Variants in DMD observed in about 807,000 individuals in gnomAD.
The protein encoded by DMD is dystrophin.
In DMD, 63 loss-of-function variants were observed where a neutral mutation model predicts 330.1. That is an observed-to-expected ratio of 0.19 (90% CI 0.16 to 0.24). The LOEUF (loss-of-function observed/expected upper bound fraction) is 0.24, where lower values mean the gene tolerates loss of function less well. Ranked by LOEUF, DMD falls within the 10% of genes least tolerant of loss-of-function variation. The pLI is 1.00. For missense variants in DMD, 3,344 were observed against 2,684.1 expected (o/e 1.25, Z -5.43); for synonymous variants, 1,223 against 959.8 (o/e 1.27, Z -5.07).
intron 44 of DMD, among the ~76,000 whole-genome samples, chrX:32,070,603 G>T (rs1051812909): frequency 2.7e-5 from 3 of 110,928 alleles, no homozygotes; most frequent in African/African-American, 9.8e-5. Flanking sequence ...ATGTATGTAC[G>T]TGTGTCTATA....
chrX:31,500,519 G>A (rs2070324139), intron 56 of DMD, among the ~76,000 whole-genome samples: 1 of 112,344 alleles, frequency 8.9e-6, no homozygotes, highest in East Asian at 2.8e-4. Context: ...ACCATGTTAA[G>A]CCCGTGAAAT....
intron 7 of DMD, among the ~76,000 whole-genome samples, chrX:32,767,445 A>C (rs1322726827): frequency 8.9e-5 from 10 of 111,768 alleles, no homozygotes; most frequent in Non-Finnish European, 1.9e-4. Flanking sequence ...TAAGACTGTA[A>C]GTTCTATATG....
chrX:32,318,060 G>A (rs1273823886), intron 41 of DMD, among the ~76,000 whole-genome samples: 2 of 110,623 alleles, frequency 1.8e-5, no homozygotes, highest in African/African-American at 6.6e-5. Context: ...TCCAAAATAG[G>A]ACTGCAGGCT....
At chrX:31,976,611 C>A (rs865830504) in intron 44 of DMD, among the ~76,000 whole-genome samples, 11 of 111,095 alleles carry the variant, frequency 9.9e-5, no homozygotes, top group Middle Eastern at 4.6e-3. Flanking sequence ...TGATTCCCCA[C>A]AAATTTGAAG....
intron 63 of DMD, among the ~76,000 whole-genome samples, chrX:31,244,531 C>T (rs1260771192): frequency 1.8e-5 from 2 of 111,550 alleles, no homozygotes; most frequent in African/African-American, 6.5e-5. Context: ...AAATTCAACA[C>T]GAATTTGACT....
intron 56 of DMD, among the ~76,000 whole-genome samples, chrX:31,505,643 T>C (rs1335549576): frequency 9.0e-6 from 1 of 110,748 alleles, no homozygotes; most frequent in Non-Finnish European, 1.9e-5. Context: ...CTTTTTTCTT[T>C]TTTCTTTTGA....
intron 54 of DMD, among the ~76,000 whole-genome samples, chrX:31,649,541 C>T (rs1271908933): frequency 9.0e-6 from 1 of 111,088 alleles, no homozygotes; most frequent in Middle Eastern, 4.7e-3. Context: ...CAAGATTTCA[C>T]ATCATAGATG....
intron 37 of DMD, among the ~76,000 whole-genome samples, chrX:32,356,379 TAAAAAAAAA>T (rs71888370): frequency 1.9e-5 from 1 of 52,739 alleles, no homozygotes; most frequent in Non-Finnish European, 3.5e-5. Flanking sequence ...TGAATGGAAG[TAAAAAAAAA>T]AAAAAAAAAA....
chrX:32,297,404 G>T (rs1228745569), intron 42 of DMD, among the ~76,000 whole-genome samples: 1 of 109,714 alleles, frequency 9.1e-6, no homozygotes, highest in Non-Finnish European at 1.9e-5. Context: ...CTCCCGAGTA[G>T]CTGGGATTAC....
intron 1 of DMD, among the ~76,000 whole-genome samples, chrX:33,230,014 C>T (rs747747705): frequency 2.7e-5 from 3 of 112,220 alleles, no homozygotes; most frequent in South Asian, 3.6e-4. Context: ...GTGCTATTGT[C>T]TGCTATGCAT....
chrX:31,717,187 C>T (rs7061641), intron 52 of DMD, among the ~76,000 whole-genome samples: 15,167 of 110,970 alleles, frequency 0.14, 893 homozygotes, highest in Admixed American at 0.31. Flanking sequence ...TTATGAGATA[C>T]TTTAAAATCT....
At chrX:32,140,259 A>G (rs1363362978) in intron 44 of DMD, among the ~76,000 whole-genome samples, 1 of 112,286 alleles carries the variant, frequency 8.9e-6, no homozygotes, top group Non-Finnish European at 1.9e-5. Flanking sequence ...TGTTCCTAAG[A>G]TGTTTAACTA....
At chrX:32,477,734 A>C (rs1207237786) in intron 21 of DMD, among the ~76,000 whole-genome samples, 2 of 110,895 alleles carry the variant, frequency 1.8e-5, no homozygotes, top group Admixed American at 1.9e-4. Flanking sequence ...TTACTGAAAA[A>C]AAAAATCTCT....
chrX:31,528,930 A>T (rs1456591463), intron 55 of DMD, among the ~76,000 whole-genome samples: 1 of 111,424 alleles, frequency 9.0e-6, no homozygotes, highest in Non-Finnish European at 1.9e-5. Context: ...CAGGAGTTTG[A>T]GATCAGCCTG....
chrX:31,223,572 C>T (rs2046309732), intron 63 of DMD, among the ~76,000 whole-genome samples: 1 of 112,364 alleles, frequency 8.9e-6, no homozygotes, highest in African/African-American at 3.2e-5. Flanking sequence ...GTTATACATG[C>T]TCACTTTGGG....
At chrX:33,146,494 G>A (rs764234595) in intron 1 of DMD, among the ~76,000 whole-genome samples, 1 of 111,626 alleles carries the variant, frequency 9.0e-6, no homozygotes, top group Non-Finnish European at 1.9e-5. Context: ...CATTATAACA[G>A]AGAAGGTAGT....
chrX:32,265,376 A>T (rs1192072257), intron 43 of DMD, among the ~76,000 whole-genome samples: 2 of 112,670 alleles, frequency 1.8e-5, no homozygotes, highest in Non-Finnish European at 3.8e-5. Flanking sequence ...TAGATTTCAG[A>T]GGATATATGG....
At position 32,644,212 on chromosome X, in the gene DMD, T is replaced by C. The variant is rs1820312172; in HGVS notation, c.1251A>G (p.Glu417=). 8.3e-7 allele frequency: 1 copy of C among 1,208,296 alleles called. No individual in the cohort carries two copies. Among genetic ancestry groups the C allele is most frequent in the Admixed American group, 2.2e-5 (1 of 45,652 alleles). Residue 417 remains glutamate (E), a synonymous_variant, in exon 11 of 79, where the codon GAA becomes GAG. Coordinates refer to ENST00000357033, the MANE Select transcript of DMD (RefSeq NM_004006.3). ...GATTCATCTGCTCTTGTACTTCAGT[T>C]TCTTCATCTTCTGATAATTTTCCTG... is the stretch of plus-strand genomic sequence containing the variant. ...IGTGKLSEDE[E]TEVQEQMNLL...
rs139915659 is a variant in DMD, at chrX:32,667,244, C to A, written c.961-22092G>T. ...GACTTTCAGTTTATTTAACAGGTAA[C>A]AACTTCTGGTTATTACTGGCCCGGA... On this transcript the variant is annotated intron_variant, in intron 9 of 78. Transcript: ENST00000357033. 8.2e-4 allele frequency among the ~76,000 whole-genome samples: 91 copies of A among 111,587 alleles called. 1 individual carries two copies. In the East Asian group the frequency reaches 0.022, roughly 27 times the overall value.
Sources: allele counts gnomAD v4.1 joint callset (sites outside exome capture counted in the v4.1 genomes callset), GRCh38; gene constraint gnomAD v4.1.1; transcripts MANE v1.5; gene names NCBI Gene and HGNC (gene_info 2026-07-23, HGNC 2026-07-21).